The following FKBP9 variants were observed in gnomAD, a reference collection of about 807,000 sequenced individuals.
FKBP9 encodes FKBP prolyl isomerase 9, also known as peptidyl-prolyl cis-trans isomerase FKBP9.
Under a neutral mutation model 55.6 loss-of-function variants are expected in FKBP9, and 27 were observed. The ratio of observed to expected loss-of-function variants is 0.49; its 90% CI spans 0.36 to 0.67. The LOEUF is 0.67. Ranked by LOEUF, FKBP9 falls within the 30% of genes least tolerant of loss-of-function variation. FKBP9 has a pLI of 0.00. For missense variants in FKBP9, 539 were observed against 742.8 expected (o/e 0.73, Z 3.19); for synonymous variants, 267 against 296.5 (o/e 0.90, Z 1.02).
intron 8 of FKBP9, among the ~76,000 whole-genome samples, chr7:33,000,628 C>CT (rs1450177853): frequency 1.3e-5 from 2 of 151,600 alleles, no homozygotes; most frequent in Non-Finnish European, 2.9e-5. Context: ...TAGGCCGTTG[C>CT]TTTTCACTTC....
chr7:32,981,764 G>T (rs1335206083), intron 5 of FKBP9, among the ~76,000 whole-genome samples: 1 of 151,718 alleles, frequency 6.6e-6, no homozygotes, highest in Non-Finnish European at 1.5e-5. Flanking sequence ...GCGTGCACTG[G>T]CGGGTGCCTG....
intron 5 of FKBP9, among the ~76,000 whole-genome samples, 180 bp from the exon 6 acceptor site, chr7:32,988,327 G>A (rs529153802): frequency 7.9e-5 from 12 of 152,294 alleles, no homozygotes; most frequent in Non-Finnish European, 1.0e-4. Context: ...GCTGTGTGGG[G>A]GTTCTTATTT....
intron 1 of FKBP9, among the ~76,000 whole-genome samples, chr7:32,961,473 C>T (rs1784022988): frequency 6.6e-6 from 1 of 152,122 alleles, no homozygotes; most frequent in African/African-American, 2.4e-5. Flanking sequence ...GGTCTGAGGA[C>T]CACACTTTGA....
At chr7:32,968,805 A>T (rs1784198632) in intron 1 of FKBP9, among the ~76,000 whole-genome samples, 1 of 150,218 alleles carries the variant, frequency 6.7e-6, no homozygotes, top group Admixed American at 6.6e-5. Context: ...TTACAGGCAT[A>T]TGCCACCATG....
intron 6 of FKBP9, 129 bp downstream of exon 6, chr7:32,988,781 G>C: frequency 1.1e-6 from 1 of 870,840 alleles, no homozygotes. Context: ...AGGCTGGAAA[G>C]TGTAGTGTGT....
intron 1 of FKBP9, among the ~76,000 whole-genome samples, chr7:32,970,932 G>A (rs1169052111): frequency 6.7e-6 from 1 of 150,072 alleles, no homozygotes; most frequent in African/African-American, 2.5e-5. Flanking sequence ...GAATAGAAGT[G>A]TTGAAACCAA....
chr7:32,987,275 C>T (rs1327518787), intron 5 of FKBP9, among the ~76,000 whole-genome samples: 3 of 152,068 alleles, frequency 2.0e-5, no homozygotes, highest in South Asian at 2.1e-4. Context: ...GCAGGCAGAT[C>T]GCTTGAGCCC....
At chr7:32,994,740 G>A (rs1784750793) in intron 6 of FKBP9, among the ~76,000 whole-genome samples, 1 of 151,792 alleles carries the variant, frequency 6.6e-6, no homozygotes, top group African/African-American at 2.4e-5. Flanking sequence ...AACAATACAT[G>A]TTTAATTTAG....
chr7:32,997,347 C>T (rs1288401979), intron 7 of FKBP9, among the ~76,000 whole-genome samples: 1 of 152,164 alleles, frequency 6.6e-6, no homozygotes, highest in Non-Finnish European at 1.5e-5. Context: ...GGTAGGATTA[C>T]AGGTGTGAGT....
intron 1 of FKBP9, among the ~76,000 whole-genome samples, chr7:32,970,384 A>G (rs1562564594): frequency 6.6e-6 from 1 of 151,880 alleles, no homozygotes; most frequent in Non-Finnish European, 1.5e-5. Context: ...TTTAGTAGAG[A>G]CAGGTTTCAC....
intron 1 of FKBP9, among the ~76,000 whole-genome samples, chr7:32,965,399 G>A (rs1784113082): frequency 6.6e-6 from 1 of 152,076 alleles, no homozygotes; most frequent in African/African-American, 2.4e-5. Flanking sequence ...CCAACGTGCT[G>A]GGATTACCGC....
intron 1 of FKBP9, among the ~76,000 whole-genome samples, chr7:32,970,019 G>A (rs934308118): frequency 7.3e-5 from 11 of 151,220 alleles, no homozygotes; most frequent in African/African-American, 2.7e-4. Flanking sequence ...AAAAAATTCC[G>A]TATGAATTTT....
chr7:32,988,728 T>G, intron 6 of FKBP9, 76 bp downstream of exon 6: 1 of 1,414,610 alleles, frequency 7.1e-7, no homozygotes, highest in African/African-American at 1.4e-5. Flanking sequence ...CTTCTTTTTC[T>G]TTTTCTTCTT....
At chr7:33,004,498 A>AC (rs1784996184) in intron 9 of FKBP9, among the ~76,000 whole-genome samples, 1 of 151,922 alleles carries the variant, frequency 6.6e-6, no homozygotes, top group Non-Finnish European at 1.5e-5. Context: ...GGAGACATCT[A>AC]CCCCAGATAA....
chr7:32,962,702 C>T (rs1305213738), intron 1 of FKBP9, among the ~76,000 whole-genome samples: 6 of 152,006 alleles, frequency 3.9e-5, no homozygotes, highest in Non-Finnish European at 7.4e-5. Context: ...TTCATTTATT[C>T]ATCCAACAGA....
Position 33,005,519 on chromosome 7 carries a change from G to T in FKBP9, c.*168G>T, listed in dbSNP as rs1785020323. Reference sequence around the variant, plus strand: ...ATCGGGGTGGGTTGATATATGGGGTGAGAAGTTTGGGCTGATCGCCAGTGA... The same window carrying T: ...ATCGGGGTGGGTTGATATATGGGGTTAGAAGTTTGGGCTGATCGCCAGTGA... On this transcript the variant is annotated 3_prime_UTR_variant, in exon 10 of 10. Coordinates refer to ENST00000242209, the MANE Select transcript of FKBP9 (RefSeq NM_007270.5). 1 of 704,502 alleles carries T rather than the reference G, an allele frequency of 1.4e-6. No individual in the cohort carries two copies. Among genetic ancestry groups the T allele is most frequent in the Non-Finnish European group, 2.4e-6 (1 of 422,202 alleles). 43.6% of individuals were successfully genotyped at this position (704,502 alleles called of 1,614,324 possible).
At chr7:32,965,876 T>C (rs1314467865) in intron 1 of FKBP9, among the ~76,000 whole-genome samples, 2 of 79,612 alleles carry the variant, frequency 2.5e-5, no homozygotes, top group African/African-American at 1.1e-4. Context: ...TACATACATA[T>C]ATATATATAG....
intron 8 of FKBP9, among the ~76,000 whole-genome samples, chr7:33,000,942 G>C (rs924006517): frequency 6.6e-6 from 1 of 152,004 alleles, no homozygotes; most frequent in African/African-American, 2.4e-5. Flanking sequence ...CACCTCGCCT[G>C]GCTAATTTTT....
chr7:33,004,479 CT>C (rs958593427), intron 9 of FKBP9, among the ~76,000 whole-genome samples: 2 of 152,196 alleles, frequency 1.3e-5, no homozygotes, highest in African/African-American at 2.4e-5. Flanking sequence ...CGGCTGCCCT[CT>C]CTGCTCAGGA....
Sources: allele counts gnomAD v4.1 joint callset (sites outside exome capture counted in the v4.1 genomes callset), GRCh38; gene constraint gnomAD v4.1.1; transcripts MANE v1.5; gene names NCBI Gene and HGNC (gene_info 2026-07-23, HGNC 2026-07-21).